Variants in CSMD3 observed in about 807,000 individuals in gnomAD.
CSMD3 encodes CUB and sushi domain-containing protein 3.
Under a neutral mutation model 435.2 loss-of-function variants are expected in CSMD3, and 177 were observed. The observed-to-expected ratio is 0.41, with a 90% confidence interval of 0.36 to 0.46. The LOEUF (loss-of-function observed/expected upper bound fraction) is 0.46. CSMD3 is among the 20% of genes least tolerant of loss of function. The pLI, the probability that CSMD3 is intolerant of heterozygous loss-of-function variation, is 0.34. For missense variants in CSMD3, 4,265 were observed against 4,504.6 expected (o/e 0.95, Z 1.52); for synonymous variants, 1,656 against 1,520.5 (o/e 1.09, Z -2.07).
At chr8:112,838,761 A>G (rs904975037) in intron 11 of CSMD3, among the ~76,000 whole-genome samples, 8 of 151,788 alleles carry the variant, frequency 5.3e-5, no homozygotes, top group Non-Finnish European at 8.8e-5. Context: ...GGTATGTATT[A>G]TAAGTGACAT....
At chr8:113,360,808 C>A (rs111733464) in intron 1 of CSMD3, among the ~76,000 whole-genome samples, 9 of 151,910 alleles carry the variant, frequency 5.9e-5, no homozygotes, top group African/African-American at 1.9e-4. Context: ...CTCCTGACCT[C>A]GTGATCCGCC....
intron 22 of CSMD3, among the ~76,000 whole-genome samples, chr8:112,590,937 A>C (rs1831134157): frequency 1.3e-5 from 2 of 152,210 alleles, no homozygotes; most frequent in Middle Eastern, 3.4e-3. Flanking sequence ...GATTTCCTAC[A>C]AAATAATAAA....
At chr8:112,942,235 TAAA>T (rs4028274) in intron 9 of CSMD3, among the ~76,000 whole-genome samples, 16 of 140,722 alleles carry the variant, frequency 1.1e-4, no homozygotes, top group East Asian at 2.1e-4. Context: ...ATGTTTAGTT[TAAA>T]AAAAAAAAAA....
At chr8:112,504,079 C>A in intron 29 of CSMD3, 102 bp from the exon 30 acceptor site, 1 of 687,636 alleles carries the variant, frequency 1.5e-6, no homozygotes, top group Non-Finnish European at 2.4e-6. Context: ...TAATTCAGTG[C>A]TTAAAAATAA....
At chr8:112,599,826 A>T (rs1317508798) in intron 22 of CSMD3, among the ~76,000 whole-genome samples, 3 of 137,794 alleles carry the variant, frequency 2.2e-5, no homozygotes, top group Admixed American at 8.2e-5. Flanking sequence ...CAATGAGATC[A>T]CATGGACACA....
At chr8:112,775,262 A>C (rs1296550387) in intron 13 of CSMD3, among the ~76,000 whole-genome samples, 2 of 151,770 alleles carry the variant, frequency 1.3e-5, no homozygotes, top group Non-Finnish European at 2.9e-5. Context: ...TTATTTGTTC[A>C]TATCCATGTC....
At chr8:112,945,591 T>C (rs1327470158) in intron 9 of CSMD3, among the ~76,000 whole-genome samples, 1 of 96,708 alleles carries the variant, frequency 1.0e-5, no homozygotes, top group African/African-American at 3.7e-5. Context: ...CAGAAATATG[T>C]GTGTGTGTGT....
intron 5 of CSMD3, among the ~76,000 whole-genome samples, chr8:113,026,582 ATACT>A (rs1223472036): frequency 1.3e-5 from 2 of 152,168 alleles, no homozygotes; most frequent in Non-Finnish European, 1.5e-5. Flanking sequence ...TATATCCCTG[ATACT>A]TAGCATAATG....
chr8:112,448,026 T>G (rs2130566799), intron 32 of CSMD3, among the ~76,000 whole-genome samples: 1 of 152,250 alleles, frequency 6.6e-6, no homozygotes, highest in East Asian at 1.9e-4. Flanking sequence ...AGGCTGTGTA[T>G]TAGTTAGCTC....
At chr8:112,859,052 T>C (rs1333408471) in intron 11 of CSMD3, 93 bp downstream of exon 11, 6 of 1,224,256 alleles carry the variant, frequency 4.9e-6, no homozygotes, top group Middle Eastern at 1.9e-4. Flanking sequence ...ACTTGAGTTA[T>C]AAATTTTCCA....
At chr8:113,112,149 C>G (rs2090661135) in intron 4 of CSMD3, among the ~76,000 whole-genome samples, 1 of 151,628 alleles carries the variant, frequency 6.6e-6, no homozygotes, top group Non-Finnish European at 1.5e-5. Flanking sequence ...TTTTTTCGCT[C>G]AGCTGGAGAT....
At chr8:113,152,095 G>A (rs988116270) in intron 4 of CSMD3, among the ~76,000 whole-genome samples, 4 of 151,398 alleles carry the variant, frequency 2.6e-5, no homozygotes, top group African/African-American at 4.8e-5. Flanking sequence ...TGGTACAACC[G>A]CCTGAAGAGC....
At position 112,907,449 on chromosome 8, in the gene CSMD3, G is replaced by A. The variant is rs185742259; in HGVS notation, c.1633+14178C>T. 7.9e-4 allele frequency among the ~76,000 whole-genome samples: 120 copies of A among 151,434 alleles called. 2 individuals are homozygous for A. Among genetic ancestry groups the A allele is most frequent in the Admixed American group, 5.9e-3 (89 of 15,136 alleles). The stretch of plus-strand genomic sequence containing the variant: ...AATCCCAGTTCCAGCACATATAAAA[G>A]CTGTGTTCTCTTGGGCAATTTACTT... On this transcript the variant is annotated intron_variant, in intron 10 of 70. Coordinates refer to ENST00000297405, the MANE Select transcript of CSMD3 (RefSeq NM_198123.2).
chr8:112,824,009 A>G (rs944242296), intron 12 of CSMD3, among the ~76,000 whole-genome samples: 1 of 152,178 alleles, frequency 6.6e-6, no homozygotes, highest in Non-Finnish European at 1.5e-5. Flanking sequence ...GTGCTCCTGT[A>G]TCAGGTGCAT....
Position 112,769,698 on chromosome 8 carries a change from T to A in CSMD3, c.1972+30464A>T, listed in dbSNP as rs1226052833. Among the ~76,000 whole-genome samples, 5 of 152,106 alleles carry A rather than the reference T, an allele frequency of 3.3e-5. No individual in the cohort carries two copies. In the East Asian group the frequency reaches 9.7e-4, roughly 30 times the overall value. ...TATTTTATTTAATTAGATATTTTGGTTGTCTTGTAATGAATCATCATTTGA... is the reference window on the plus strand; with the variant it reads ...TATTTTATTTAATTAGATATTTTGGATGTCTTGTAATGAATCATCATTTGA... On this transcript the variant is annotated intron_variant, in intron 13 of 70. Transcript: ENST00000297405.
intron 13 of CSMD3, among the ~76,000 whole-genome samples, chr8:112,735,316 A>AT (rs2077163513): frequency 6.6e-6 from 1 of 151,988 alleles, no homozygotes; most frequent in Admixed American, 6.6e-5. Flanking sequence ...AAAATTAGGT[A>AT]TAAGTTTGTT....
chr8:112,798,581 C>T (rs551744906), intron 13 of CSMD3, among the ~76,000 whole-genome samples: 36 of 151,926 alleles, frequency 2.4e-4, no homozygotes, highest in Non-Finnish European at 4.4e-4. Flanking sequence ...ACTGAGCAGA[C>T]GGAGAACAAT....
chr8:113,268,132 G>A (rs9694293), intron 3 of CSMD3, among the ~76,000 whole-genome samples: 102,255 of 151,386 alleles, frequency 0.68, 36,455 homozygotes, highest in East Asian at 0.96. Flanking sequence ...TCAAAGAAAA[G>A]TTTAAAAGGA....
At chr8:112,410,638 GTATATATATATGTGTATATATA>G (rs1832296295) in intron 32 of CSMD3, among the ~76,000 whole-genome samples, 1 of 50,252 alleles carries the variant, frequency 2.0e-5, no homozygotes, top group Non-Finnish European at 4.0e-5. Flanking sequence ...GTATATATAT[GTATATATATATGTGTATATATA>G]TGTATATATA....
Sources: allele counts gnomAD v4.1 joint callset (sites outside exome capture counted in the v4.1 genomes callset), GRCh38; gene constraint gnomAD v4.1.1; transcripts MANE v1.5; gene names NCBI Gene and HGNC (gene_info 2026-07-23, HGNC 2026-07-21).